Variants in ADGRL3 observed in about 807,000 individuals in gnomAD.
ADGRL3 encodes calcium-independent alpha-latrotoxin receptor 3.
In ADGRL3, 62 loss-of-function variants were observed where a neutral mutation model predicts 153.5. The observed-to-expected ratio is 0.40, with a 90% CI of 0.33 to 0.50. The LOEUF (loss-of-function observed/expected upper bound fraction) is 0.50. ADGRL3 is among the 20% of genes least tolerant of loss of function. The pLI, the probability that ADGRL3 is intolerant of heterozygous loss-of-function variation, is 0.47. For synonymous variants in ADGRL3, 710 were observed against 672.5 expected (o/e 1.06, Z -0.86); for missense variants, 1,641 against 1,859.4 (o/e 0.88, Z 2.16).
chr4:61,596,392 T>G (rs566586842), intron 5 of ADGRL3, among the ~76,000 whole-genome samples: 1 of 152,332 alleles, frequency 6.6e-6, no homozygotes, highest in South Asian at 2.1e-4. Context: ...TCAAACCTTT[T>G]GCTAATAAGT....
intron 11 of ADGRL3, among the ~76,000 whole-genome samples, chr4:61,898,961 C>T (rs1036475761): frequency 1.3e-5 from 2 of 152,030 alleles, no homozygotes; most frequent in African/African-American, 2.4e-5. Flanking sequence ...TGGCAGGCCA[C>T]GTTGCCTGCT....
intron 2 of ADGRL3, among the ~76,000 whole-genome samples, chr4:61,391,500 C>G (rs1056362204): frequency 1.3e-5 from 2 of 152,110 alleles, no homozygotes; most frequent in Non-Finnish European, 2.9e-5. Flanking sequence ...ACATCCAAAC[C>G]ACATCAAAGT....
At chr4:61,864,894 A>G (rs921826992) in intron 9 of ADGRL3, among the ~76,000 whole-genome samples, 1 of 152,226 alleles carries the variant, frequency 6.6e-6, no homozygotes, top group Non-Finnish European at 1.5e-5. Flanking sequence ...CAACGGAAGC[A>G]TAGAATGTAA....
chr4:62,026,479 C>G (rs1718615717), intron 21 of ADGRL3, among the ~76,000 whole-genome samples: 1 of 152,056 alleles, frequency 6.6e-6, no homozygotes, highest in South Asian at 2.1e-4. Context: ...AATGGAGCAA[C>G]TAAATGGTCC....
rs574344896 is a variant in ADGRL3, at chr4:61,836,100, A to G, written c.1480+22211A>G. Among the ~76,000 whole-genome samples the G allele has an allele frequency of 4.6e-5, 7 of 152,334 alleles. 1 individual carries two copies. The East Asian group carries it at 1.2e-3, about 25-fold the overall frequency. ...TATTGCTTTGTGTCCTTAAAAGCTT[A>G]ACGTTGTTACCATTGAAGAATATCT... On this transcript the variant is annotated intron_variant, in intron 9 of 26. Coordinates refer to ENST00000683033, the MANE Select transcript of ADGRL3 (RefSeq NM_001387552.1).
chr4:61,274,839 TG>T (rs1410928962), intron 1 of ADGRL3, among the ~76,000 whole-genome samples: 7 of 151,842 alleles, frequency 4.6e-5, no homozygotes, highest in African/African-American at 1.7e-4. Context: ...GAGACTGAGG[TG>T]GGAGGATGGA....
intron 6 of ADGRL3, among the ~76,000 whole-genome samples, chr4:61,681,332 C>T (rs2095330767): frequency 1.3e-5 from 2 of 152,134 alleles, no homozygotes; most frequent in African/African-American, 4.8e-5. Context: ...ACGCACATTA[C>T]ACTCAAAAGG....
chr4:61,264,124 T>G (rs1218203225), intron 1 of ADGRL3, among the ~76,000 whole-genome samples: 2 of 152,040 alleles, frequency 1.3e-5, no homozygotes, highest in African/African-American at 4.8e-5. Flanking sequence ...TAACTTTGAT[T>G]TTATTCAGCC....
intron 9 of ADGRL3, among the ~76,000 whole-genome samples, chr4:61,871,772 C>A (rs2098446899): frequency 6.6e-6 from 1 of 152,056 alleles, no homozygotes; most frequent in South Asian, 2.1e-4. Flanking sequence ...TGAATTATAT[C>A]TCAATAAAGC....
rs892888211 is a variant in ADGRL3, at chr4:62,071,643, A to T, written c.*735A>T. ...GAGTCCTGTTAATGTAGTAGAAAAA[A>T]AAAAAAGAAATTTTCTTTTTCTTTT... On this transcript the variant is annotated 3_prime_UTR_variant, in exon 27 of 27. Coordinates refer to ENST00000683033, the MANE Select transcript of ADGRL3 (RefSeq NM_001387552.1). The T allele has an allele frequency of 5.3e-6, 2 of 380,494 alleles. No individual in the cohort carries two copies. Among genetic ancestry groups the T allele is most frequent in the Non-Finnish European group, 1.0e-5 (2 of 198,400 alleles). The allele number at this position is 380,494 out of a possible 1,614,324, so 23.6% of individuals were successfully genotyped here. A position where few individuals can be genotyped will look rare whatever the true frequency, so the allele number is the denominator to read the frequency against.
intron 4 of ADGRL3, 31 bp from the exon 5 acceptor site, chr4:61,587,196 G>A (rs748987609): frequency 4.7e-6 from 7 of 1,485,976 alleles, no homozygotes; most frequent in Non-Finnish European, 6.5e-6. Flanking sequence ...AGTAACGATG[G>A]CATCTCTTTT....
chr4:61,511,713 G>A (rs762533648), intron 3 of ADGRL3, among the ~76,000 whole-genome samples: 2 of 152,040 alleles, frequency 1.3e-5, no homozygotes, highest in African/African-American at 4.8e-5. Flanking sequence ...TAAGATTTAG[G>A]TATACCATAA....
chr4:61,684,836 G>T (rs759069909), intron 6 of ADGRL3, among the ~76,000 whole-genome samples: 2 of 151,714 alleles, frequency 1.3e-5, no homozygotes, highest in Non-Finnish European at 2.9e-5. Context: ...ATATTTCCTG[G>T]CTTCTGAAAG....
chr4:61,951,235 A>C (rs974428187), intron 17 of ADGRL3, among the ~76,000 whole-genome samples: 1 of 152,090 alleles, frequency 6.6e-6, no homozygotes, highest in African/African-American at 2.4e-5. Context: ...GACTTAACAA[A>C]ATATAGCTTT....
At chr4:61,767,442 T>G (rs1008211417) in intron 8 of ADGRL3, among the ~76,000 whole-genome samples, 10 of 151,752 alleles carry the variant, frequency 6.6e-5, no homozygotes. Context: ...TAATGTGGAG[T>G]GAGTAGCCTC....
At chr4:61,502,484 GTT>G (rs3075117) in intron 3 of ADGRL3, among the ~76,000 whole-genome samples, 88,227 of 144,258 alleles carry the variant, frequency 0.61, 26,769 homozygotes, top group East Asian at 0.79. Flanking sequence ...GCTTATACAT[GTT>G]TTTTTTTTTT....
At chr4:61,639,302 C>T (rs1292432850) in intron 5 of ADGRL3, among the ~76,000 whole-genome samples, 1 of 151,822 alleles carries the variant, frequency 6.6e-6, no homozygotes. Context: ...TTATAAGTGT[C>T]TTAGGTGTAA....
intron 1 of ADGRL3, among the ~76,000 whole-genome samples, chr4:61,377,784 G>C (rs1464739778): frequency 6.6e-6 from 1 of 151,536 alleles, no homozygotes; most frequent in Non-Finnish European, 1.5e-5. Context: ...TAGAAGCTTT[G>C]ATTATTGATT....
At chr4:61,335,452 G>C (rs1374807804) in intron 1 of ADGRL3, among the ~76,000 whole-genome samples, 1 of 152,158 alleles carries the variant, frequency 6.6e-6, no homozygotes, top group African/African-American at 2.4e-5. Context: ...ATGCATGAGT[G>C]CAGTGCATGG....
Sources: gnomAD v4.1 joint callset for allele counts (sites outside exome capture counted in the v4.1 genomes callset) on GRCh38, gnomAD v4.1.1 for gene constraint, MANE v1.5 for transcripts, NCBI Gene and HGNC (gene_info 2026-07-23, HGNC 2026-07-21) for gene names.